KSR1: variants seen among roughly 807,000 people sequenced by gnomAD.
The protein encoded by KSR1 is kinase suppressor of ras.
A neutral mutation model predicts 92.9 loss-of-function variants in KSR1; 35 were observed. The ratio of observed to expected loss-of-function variants is 0.38; its 90% CI spans 0.29 to 0.50. The LOEUF is 0.50. Among genes scored for constraint, KSR1 ranks in the 20% least tolerant of loss-of-function variants. The pLI, the probability that KSR1 is intolerant of heterozygous loss-of-function variation, is 0.94. For synonymous variants in KSR1, 467 were observed against 472.6 expected (o/e 0.99, Z 0.15); for missense variants, 972 against 1,158.5 (o/e 0.84, Z 2.34).
rs1369487480 is a variant in KSR1, at chr17:27,577,608, C to T, written c.489C>T (p.Ala163=). The part of the protein sequence containing the change: ...SGDECGRLQY[A]LTCLRKVTGL... Reference sequence around the variant, plus strand: ...ATGAGTGTGGCCGTCTGCAGTATGCCCTCACCTGCCTGCGGAAGGTGACAG... The same window carrying T: ...ATGAGTGTGGCCGTCTGCAGTATGCTCTCACCTGCCTGCGGAAGGTGACAG... Residue 163 remains alanine (A), a synonymous_variant, in exon 3 of 21, where the codon GCC becomes GCT. Coordinates refer to ENST00000644974, the MANE Select transcript of KSR1 (RefSeq NM_001394583.1). The surrounding 1 kb of genome is among the most constrained non-coding windows in gnomAD (Gnocchi z 4.5). 3.8e-6 allele frequency: 6 copies of T among 1,591,660 alleles called. No individual in the cohort carries two copies. Among genetic ancestry groups the T allele is most frequent in the Non-Finnish European group, 5.1e-6 (6 of 1,173,774 alleles).
intron 1 of KSR1, among the ~76,000 whole-genome samples, chr17:27,486,625 A>G (rs527998304): frequency 2.4e-4 from 36 of 152,274 alleles, no homozygotes; most frequent in African/African-American, 8.2e-4. Context: ...GGAGGCTTCA[A>G]AGCTCGGAGT....
At chr17:27,587,938 G>C (rs576256454) in intron 5 of KSR1, among the ~76,000 whole-genome samples, 1 of 152,190 alleles carries the variant, frequency 6.6e-6, no homozygotes, top group Non-Finnish European at 1.5e-5. Flanking sequence ...CCTTGTCCTC[G>C]TTCTATCTGC....
chr17:27,623,405 T>C lies in KSR1; in HGVS notation c.*13T>C. 1.3e-6 allele frequency: 1 copy of C among 762,514 alleles called. No homozygotes were observed. The highest frequency in any genetic ancestry group is 2.4e-6 in the Non-Finnish European group (1 of 416,702). 47.2% of individuals were successfully genotyped at this position (762,514 alleles called of 1,614,324 possible). ...TCCAAAGATGTAGCCAGCCATATGGTTTTTCGCTGCTGATCTCTTTCTTTT... is the reference window on the plus strand; with the variant it reads ...TCCAAAGATGTAGCCAGCCATATGGCTTTTCGCTGCTGATCTCTTTCTTTT... On this transcript the variant is annotated 3_prime_UTR_variant, in exon 21 of 21. Coordinates refer to ENST00000644974, the MANE Select transcript of KSR1 (RefSeq NM_001394583.1).
intron 1 of KSR1, among the ~76,000 whole-genome samples, chr17:27,501,613 C>A (rs2069193140): frequency 6.6e-6 from 1 of 152,188 alleles, no homozygotes; most frequent in East Asian, 1.9e-4. Context: ...CCAGCTCCAG[C>A]AATGACTAAA....
chr17:27,600,779 C>T (rs1010822414), intron 10 of KSR1, among the ~76,000 whole-genome samples: 5 of 152,118 alleles, frequency 3.3e-5, no homozygotes, highest in Non-Finnish European at 1.5e-5. Flanking sequence ...ACTGTATTTA[C>T]ACCCCCATTT....
rs2074215751 is a variant in KSR1, at chr17:27,621,241, C to T, written c.2676C>T (p.Asp892=). ...GAAAAGGACGCTACGGCCACCCTGA[C>T]TTTAAGAGCTCCTGTCCGATTCTGG... is the stretch of plus-strand genomic sequence containing the variant. The part of the protein sequence containing the change: ...YYGKGRYGHP[D]FKSSCPILEE... The change falls in exon 20 of 21, where the codon GAC becomes GAT. Residue 892 remains aspartate, a synonymous_variant. Coordinates refer to ENST00000644974, the MANE Select transcript of KSR1 (RefSeq NM_001394583.1). 2.5e-6 allele frequency: 1 copy of T among 398,586 alleles called. No homozygotes were observed. The highest frequency in any genetic ancestry group is 4.4e-5 in the Admixed American group (1 of 22,720). The allele number at this position is 398,586 out of a possible 1,614,324, so 24.7% of individuals were successfully genotyped here.
At chr17:27,457,950 T>TAA (rs1372726963) in intron 1 of KSR1, among the ~76,000 whole-genome samples, 2 of 128,948 alleles carry the variant, frequency 1.6e-5, no homozygotes, top group Non-Finnish European at 3.2e-5. Context: ...CCAGCTGTCA[T>TAA]AAGGCCCTCT....
At chr17:27,612,853 GTC>G (rs1324975160) in intron 18 of KSR1, 1 of 152,204 alleles carries the variant, frequency 6.6e-6, no homozygotes, top group Non-Finnish European at 1.5e-5. Flanking sequence ...ATCACTGTCT[GTC>G]TGCAGACTCT....
At chr17:27,542,667 A>G (rs914943820) in intron 1 of KSR1, among the ~76,000 whole-genome samples, 3 of 152,130 alleles carry the variant, frequency 2.0e-5, no homozygotes, top group African/African-American at 2.4e-5. Flanking sequence ...GTATAATCCA[A>G]ACGGCACCTG....
chr17:27,491,743 A>G (rs192364002), intron 1 of KSR1, among the ~76,000 whole-genome samples: 5 of 152,242 alleles, frequency 3.3e-5, no homozygotes, highest in Admixed American at 2.6e-4. Context: ...GGGGCGGTGG[A>G]TTTGCCCAGG....
At chr17:27,538,129 A>C (rs1451811527) in intron 1 of KSR1, among the ~76,000 whole-genome samples, 1 of 152,256 alleles carries the variant, frequency 6.6e-6, no homozygotes, top group Non-Finnish European at 1.5e-5. Context: ...TCTGGAAGCC[A>C]GCAGGAAGCC....
rs780791398 is a variant in KSR1 at position 27,582,767 on chromosome 17, G to A, written c.642G>A (p.Gln214=). Residue 214 remains glutamine (Q), a synonymous_variant, in exon 4 of 21, where the codon CAG becomes CAA. Transcript: ENST00000644974. ...ASLPWPPGSS[Q]LGRAGNSAQG... is the part of the protein sequence containing the mutation. ...TGCCCTGGCCCCCAGGGAGCTCCCA[G>A]CTGGGCAGAGCAGGCAACAGCGCCC... The A allele has an allele frequency of 8.7e-6, 14 of 1,613,642 alleles. No homozygotes were observed. The highest frequency in any genetic ancestry group is 1.7e-5 in the Admixed American group (1 of 59,986).
chr17:27,497,733 T>C (rs1383508070), intron 1 of KSR1, among the ~76,000 whole-genome samples: 1 of 152,228 alleles, frequency 6.6e-6, no homozygotes, highest in Admixed American at 6.5e-5. Flanking sequence ...TAAATAATAG[T>C]ACTGGTGGCA....
chr17:27,558,767 C>T (rs1054163979), intron 2 of KSR1, among the ~76,000 whole-genome samples: 1 of 151,322 alleles, frequency 6.6e-6, no homozygotes, highest in Non-Finnish European at 1.5e-5. Context: ...CTTTTGCTAA[C>T]CTGATAGTGC....
chr17:27,493,175 A>G (rs2068877750), intron 1 of KSR1, among the ~76,000 whole-genome samples: 1 of 152,194 alleles, frequency 6.6e-6, no homozygotes, highest in Non-Finnish European at 1.5e-5. Context: ...ATGAAGCAAT[A>G]AGGGACTATT....
intron 1 of KSR1, among the ~76,000 whole-genome samples, chr17:27,487,294 G>A (rs1597863771): frequency 6.6e-6 from 1 of 151,864 alleles, no homozygotes; most frequent in South Asian, 2.1e-4. Flanking sequence ...AATTAGCCAG[G>A]TGTGATAGCG....
intron 1 of KSR1, among the ~76,000 whole-genome samples, chr17:27,488,778 A>G (rs1350853801): frequency 6.6e-6 from 1 of 152,234 alleles, no homozygotes; most frequent in Non-Finnish European, 1.5e-5. Flanking sequence ...ATTCTGGCCA[A>G]CATGGTGAAA....
At chr17:27,543,839 C>A (rs575856180) in intron 1 of KSR1, among the ~76,000 whole-genome samples, 1 of 152,142 alleles carries the variant, frequency 6.6e-6, no homozygotes, top group East Asian at 1.9e-4. Flanking sequence ...AGGTCTTGGC[C>A]GTCTCGCCTT....
intron 1 of KSR1, chr17:27,471,880 G>A (rs186261553): frequency 6.6e-6 from 1 of 152,454 alleles, no homozygotes; most frequent in African/African-American, 2.4e-5. Flanking sequence ...CTGTACTGAG[G>A]TGTGTAGGGA....
Sources: allele counts gnomAD v4.1 joint callset (sites outside exome capture counted in the v4.1 genomes callset), GRCh38; gene constraint gnomAD v4.1.1; non-coding constraint Gnocchi (gnomAD v3.1); transcripts MANE v1.5; gene names NCBI Gene and HGNC (gene_info 2026-07-23, HGNC 2026-07-21).